Variants in AGBL4 observed in about 807,000 individuals in gnomAD.
The protein encoded by AGBL4 is cytosolic carboxypeptidase 6.
In AGBL4, 58 loss-of-function variants were observed where a neutral mutation model predicts 66.4. The ratio of observed to expected loss-of-function variants is 0.87; its 90% CI spans 0.71 to 1.09. The LOEUF (loss-of-function observed/expected upper bound fraction) is 1.09. Ranked by LOEUF, AGBL4 falls within the 50% of genes least tolerant of loss-of-function variation. The pLI is 0.00. For missense variants in AGBL4, 579 were observed against 631.0 expected, an observed-to-expected ratio of 0.92 and a Z score of 0.88; for synonymous variants, 234 against 222.9, an observed-to-expected ratio of 1.05 and a Z score of -0.44.
chr1:49,470,989 C>T (rs969115457), intron 3 of AGBL4, among the ~76,000 whole-genome samples: 3 of 152,032 alleles, frequency 2.0e-5, no homozygotes, highest in African/African-American at 4.8e-5. Context: ...GGCTTGCCTG[C>T]CCTGCCTTAG....
chr1:49,802,231 C>A (rs935884992), intron 2 of AGBL4, among the ~76,000 whole-genome samples: 3 of 151,968 alleles, frequency 2.0e-5, no homozygotes, highest in Non-Finnish European at 4.4e-5. Context: ...GGAATGTGAC[C>A]CATGTGGAGA....
intron 5 of AGBL4, among the ~76,000 whole-genome samples, chr1:48,929,720 C>G (rs1654883465): frequency 6.6e-6 from 1 of 152,176 alleles, no homozygotes; most frequent in South Asian, 2.1e-4. Flanking sequence ...ATTGCCACTC[C>G]TTTATAGGTT....
Position 48,776,557 on chromosome 1 carries a change from T to C in AGBL4, c.634+90634A>G, listed in dbSNP as rs753637354. On this transcript the variant is annotated intron_variant, in intron 6 of 13. Transcript: ENST00000371839. Reference sequence around the variant, plus strand: ...CCCGGGCCCCCGGCCCCTCCCGGGGTCCCAGCCCCCGCCCGGGTCCCACCG... The same window carrying C: ...CCCGGGCCCCCGGCCCCTCCCGGGGCCCCAGCCCCCGCCCGGGTCCCACCG... 250 of 1,068,196 alleles carry C rather than the reference T, an allele frequency of 2.3e-4. 1 individual carries two copies. The highest frequency in any genetic ancestry group is 9.0e-5 in the Admixed American group (2 of 22,336). The allele number at this position is 1,068,196 out of a possible 1,614,324, so 66.2% of individuals were successfully genotyped here.
At position 49,462,983 on chromosome 1, in the gene AGBL4, A is replaced by C. The variant is rs369364200; in HGVS notation, c.283-217119T>G. 3.3e-4 allele frequency among the ~76,000 whole-genome samples: 50 copies of C among 151,854 alleles called. 1 individual carries two copies. The South Asian group carries it at 9.8e-3, about 30-fold the overall frequency. On this transcript the variant is annotated intron_variant, in intron 3 of 13. Transcript: ENST00000371839. ...ATCCTGTCATTTGACTAATAAGAAA[A>C]TGGGGAAAGTTGTCTAAGGTTACAC...
intron 3 of AGBL4, among the ~76,000 whole-genome samples, chr1:49,459,819 A>T (rs1343677960): frequency 6.6e-6 from 1 of 151,626 alleles, no homozygotes; most frequent in Admixed American, 6.6e-5. Flanking sequence ...TTCTCTTGGC[A>T]CTGCTTTTGC....
At chr1:49,269,583 T>C (rs1644008636) in intron 3 of AGBL4, among the ~76,000 whole-genome samples, 1 of 152,024 alleles carries the variant, frequency 6.6e-6, no homozygotes, top group African/African-American at 2.4e-5. Flanking sequence ...ACCTGTGAGG[T>C]TTCATTTACA....
At chr1:49,458,502 T>G (rs1646439519) in intron 3 of AGBL4, among the ~76,000 whole-genome samples, 1 of 151,634 alleles carries the variant, frequency 6.6e-6, no homozygotes, top group African/African-American at 2.4e-5. Context: ...CAGCAAGCAG[T>G]GACAATCTGA....
At chr1:49,616,659 A>G (rs1246823211) in intron 3 of AGBL4, among the ~76,000 whole-genome samples, 5 of 152,276 alleles carry the variant, frequency 3.3e-5, no homozygotes, top group South Asian at 4.1e-4. Context: ...TAGATGTCTA[A>G]TAAGTATCCC....
intron 5 of AGBL4, among the ~76,000 whole-genome samples, chr1:48,973,280 A>G (rs1185096390): frequency 2.6e-5 from 4 of 152,180 alleles, no homozygotes; most frequent in African/African-American, 9.6e-5. Flanking sequence ...TTATCTTTAT[A>G]ATATATTTGG....
chr1:49,828,737 G>T (rs960814443), intron 2 of AGBL4, among the ~76,000 whole-genome samples: 1 of 152,154 alleles, frequency 6.6e-6, no homozygotes, highest in African/African-American at 2.4e-5. Flanking sequence ...TCTGGGTACT[G>T]TGTAAAGAAT....
chr1:49,453,519 A>G lies in AGBL4; in HGVS notation c.283-207655T>C, dbSNP rs188903557. Reference sequence around the variant, plus strand: ...ATCAACTTTTAGCTAAAAGCAAGGAAAACAATAAAATAAATACAATAGAAT... The same window carrying G: ...ATCAACTTTTAGCTAAAAGCAAGGAGAACAATAAAATAAATACAATAGAAT... On this transcript the variant is annotated intron_variant, in intron 3 of 13. Transcript: ENST00000371839. Among the ~76,000 whole-genome samples the G allele has an allele frequency of 1.6e-3, 240 of 151,884 alleles. 2 individuals are homozygous for G. The highest frequency in any genetic ancestry group is 4.9e-3 in the African/African-American group (204 of 41,510).
intron 6 of AGBL4, among the ~76,000 whole-genome samples, chr1:48,763,530 C>A (rs1269796349): frequency 4.6e-5 from 7 of 151,844 alleles, no homozygotes; most frequent in African/African-American, 1.4e-4. Flanking sequence ...GAGAGAGAGA[C>A]GATGAGGGTG....
chr1:48,822,573 T>C (rs1213645170), intron 6 of AGBL4, among the ~76,000 whole-genome samples: 1 of 152,260 alleles, frequency 6.6e-6, no homozygotes, highest in Non-Finnish European at 1.5e-5. Flanking sequence ...CTCTCTACTC[T>C]GCTCTATTGA....
chr1:49,516,983 A>G (rs919444362), intron 3 of AGBL4, among the ~76,000 whole-genome samples: 6 of 151,988 alleles, frequency 3.9e-5, no homozygotes, highest in African/African-American at 7.2e-5. Flanking sequence ...AATAGGCCAT[A>G]CTTCAACAGA....
intron 6 of AGBL4, among the ~76,000 whole-genome samples, chr1:48,774,201 T>G (rs547330539): frequency 6.6e-6 from 1 of 152,198 alleles, no homozygotes; most frequent in Non-Finnish European, 1.5e-5. Context: ...CACCTCTGCT[T>G]CCCACTTGAG....
At chr1:49,547,781 T>C (rs1652612337) in intron 3 of AGBL4, among the ~76,000 whole-genome samples, 1 of 151,948 alleles carries the variant, frequency 6.6e-6, no homozygotes, top group African/African-American at 2.4e-5. Flanking sequence ...GAGTCTTTTT[T>C]TTTTTTTCTT....
At chr1:49,938,123 A>C (rs994246021) in intron 1 of AGBL4, among the ~76,000 whole-genome samples, 1 of 150,602 alleles carries the variant, frequency 6.6e-6, no homozygotes, top group African/African-American at 2.5e-5. Flanking sequence ...AAGAAAAGAG[A>C]GAAGAATCAA....
At chr1:48,727,811 A>T in intron 6 of AGBL4, 1 of 1,438,760 alleles carries the variant, frequency 7.0e-7, no homozygotes, top group Non-Finnish European at 9.6e-7. Flanking sequence ...GTGGGGTCTG[A>T]TTTGGACGGC....
At chr1:49,937,090 A>G (rs533452648) in intron 1 of AGBL4, among the ~76,000 whole-genome samples, 9 of 152,262 alleles carry the variant, frequency 5.9e-5, no homozygotes, top group African/African-American at 9.6e-5. Context: ...GTATTCAGGA[A>G]ACCCATCTCA....
Sources: gnomAD v4.1 joint callset for allele counts (sites outside exome capture counted in the v4.1 genomes callset) on GRCh38, gnomAD v4.1.1 for gene constraint, MANE v1.5 for transcripts, NCBI Gene and HGNC (gene_info 2026-07-23, HGNC 2026-07-21) for gene names.